POMZP3: variants seen among roughly 807,000 people sequenced by gnomAD.
The protein encoded by POMZP3 is POM121 and ZP3 fusion protein.
Under a neutral mutation model 19.8 loss-of-function variants are expected in POMZP3, and 10 were observed. The observed-to-expected ratio is 0.51, with a 90% CI of 0.31 to 0.86. POMZP3 has a LOEUF of 0.86. Ranked by LOEUF, POMZP3 falls within the 40% of genes least tolerant of loss-of-function variation. The pLI, the probability that POMZP3 is intolerant of heterozygous loss-of-function variation, is 0.04. For missense variants in POMZP3, 152 were observed against 228.1 expected (o/e 0.67, Z 2.15); for synonymous variants, 57 against 85.8 (o/e 0.66, Z 1.85).
chr7:76,621,847 G>A, intron 3 of POMZP3, among the ~76,000 whole-genome samples: 1 of 147,892 alleles, frequency 6.8e-6, no homozygotes, highest in African/African-American at 2.5e-5. Context: ...GGCTGAGGCA[G>A]GAGAATGGCG....
intron 6 of POMZP3, among the ~76,000 whole-genome samples, chr7:76,610,882 T>A (rs545320737): frequency 9.3e-4 from 31 of 33,406 alleles, no homozygotes; most frequent in South Asian, 2.4e-3. Flanking sequence ...TATTATTATT[T>A]TTTTTTTTTG....
chr7:76,622,374 GTTTTT>G (rs757086256), intron 3 of POMZP3, among the ~76,000 whole-genome samples: 4 of 62,808 alleles, frequency 6.4e-5, no homozygotes, highest in South Asian at 5.6e-4. Context: ...TCATTCTCAA[GTTTTT>G]TTTTTTTTTT....
rs1410824115 is a variant in POMZP3 at position 76,616,839 on chromosome 7, G to T, written c.345+1344C>A. Among the ~76,000 whole-genome samples the T allele has an allele frequency of 4.3e-5, 4 of 92,104 alleles. 2 individuals carry two copies. Among genetic ancestry groups the T allele is most frequent in the Admixed American group, 2.2e-4 (2 of 9,238 alleles). The allele number at this position is 92,104 out of a possible 152,430, so 60.4% of individuals were successfully genotyped here. On this transcript the variant is annotated intron_variant, in intron 4 of 6. Coordinates refer to ENST00000310842, the MANE Select transcript of POMZP3 (RefSeq NM_012230.5). ...CCATTGCATTCCAGCCTGGACTGCA[G>T]AGCGAGACTCCAACTCAAAAAATAA...
rs1308218358 is a variant in POMZP3 at position 76,617,047 on chromosome 7, C to T, written c.345+1136G>A. Among the ~76,000 whole-genome samples, 11 of 96,670 alleles carry T rather than the reference C, an allele frequency of 1.1e-4. 4 individuals are homozygous for T. Among genetic ancestry groups the T allele is most frequent in the Admixed American group, 2.0e-4 (2 of 10,040 alleles). 63.4% of individuals were successfully genotyped at this position (96,670 alleles called of 152,430 possible). On this transcript the variant is annotated intron_variant, in intron 4 of 6. Transcript: ENST00000310842. ...TGGTGGCGGGTACCTGTACTCCCAGCTACTTGGGAGACTGAGGCAGGAGAA... is the reference window on the plus strand; with the variant it reads ...TGGTGGCGGGTACCTGTACTCCCAGTTACTTGGGAGACTGAGGCAGGAGAA...
At chr7:76,614,564 CAAA>C (rs749162077) in intron 4 of POMZP3, among the ~76,000 whole-genome samples, 3 of 47,838 alleles carry the variant, frequency 6.3e-5, no homozygotes, top group African/African-American at 8.4e-5. Flanking sequence ...CCATTTCCCC[CAAA>C]AAAAAAAAAA....
At chr7:76,617,687 C>CTTT (rs3973005) in intron 4 of POMZP3, among the ~76,000 whole-genome samples, 5 of 83,264 alleles carry the variant, frequency 6.0e-5, no homozygotes, top group Admixed American at 2.2e-4. Flanking sequence ...TAACACCTGC[C>CTTT]TTTTTTTTTT....
Position 76,625,995 on chromosome 7 carries a change from C to G in POMZP3, c.65+5G>C. 6.2e-7 allele frequency: 1 copy of G among 1,613,720 alleles called. No homozygotes were observed. Among genetic ancestry groups the G allele is most frequent in the Non-Finnish European group, 8.5e-7 (1 of 1,179,722 alleles). On this transcript the variant is annotated splice_donor_5th_base_variant and intron_variant, in intron 2 of 6. Coordinates refer to ENST00000310842, the MANE Select transcript of POMZP3 (RefSeq NM_012230.5). ...GGAGAGTATTCTTCCAACGATAATA[C>G]TCACATCGCAGAACGCGAAAATCTT...
intron 3 of POMZP3, among the ~76,000 whole-genome samples, chr7:76,623,189 T>TG (rs1298896760): frequency 1.3e-5 from 2 of 151,802 alleles, no homozygotes; most frequent in Non-Finnish European, 2.9e-5. Flanking sequence ...ATTGTGGTTT[T>TG]TTTTTTTTAT....
rs59620004 is a variant in POMZP3 at position 76,614,858 on chromosome 7, C to CAAAAA, written c.346-3050_346-3046dup. Among the ~76,000 whole-genome samples the CAAAAA allele has an allele frequency of 2.5e-3, 80 of 31,970 alleles. No individual in the cohort carries two copies. In the East Asian group the frequency reaches 0.032, roughly 13 times the overall value. The allele number at this position is 31,970 out of a possible 152,430, so 21.0% of individuals were successfully genotyped here. A position where few individuals can be genotyped will look rare whatever the true frequency, so the allele number is the denominator to read the frequency against. On this transcript the variant is annotated intron_variant, in intron 4 of 6. Coordinates refer to ENST00000310842, the MANE Select transcript of POMZP3 (RefSeq NM_012230.5). Reference sequence around the variant, plus strand: ...CTGGGTGACAGAGCGAGACTCTGTCCAAAAAAAAAAAAAAAAAAAGTACAC... The same window carrying CAAAAA: ...CTGGGTGACAGAGCGAGACTCTGTCCAAAAAAAAAAAAAAAAAAAAAAAAGTACAC...
At chr7:76,625,226 C>G (rs1021082815) in intron 3 of POMZP3, among the ~76,000 whole-genome samples, 1 of 148,270 alleles carries the variant, frequency 6.7e-6, no homozygotes, top group Admixed American at 6.8e-5. Context: ...AGCCTTCTTT[C>G]TTGAAAATAA....
intron 6 of POMZP3, among the ~76,000 whole-genome samples, chr7:76,611,134 A>G (rs1638130): frequency 0.61 from 83,025 of 137,138 alleles, 26,426 homozygotes; most frequent in African/African-American, 0.76. Flanking sequence ...TTGGCCTCCC[A>G]AAGTGTTGGG....
At chr7:76,621,972 T>TAAAA (rs1563804265) in intron 3 of POMZP3, among the ~76,000 whole-genome samples, 2 of 118,392 alleles carry the variant, frequency 1.7e-5, no homozygotes. Context: ...AATAAATAAA[T>TAAAA]AAAACAGGTT....
At chr7:76,616,466 T>G (rs1438125520) in intron 4 of POMZP3, among the ~76,000 whole-genome samples, 1 of 101,128 alleles carries the variant, frequency 9.9e-6, no homozygotes, top group Non-Finnish European at 2.2e-5. Context: ...TCCAGATGAT[T>G]AGTATAGAGC....
chr7:76,618,516 G>A, intron 3 of POMZP3: 2 of 637,442 alleles, frequency 3.1e-6, no homozygotes, highest in South Asian at 3.8e-5. Context: ...ACCTACTCGG[G>A]AGGCTGAGGC....
At chr7:76,611,966 A>C (rs1354598324) in intron 4 of POMZP3, among the ~76,000 whole-genome samples, 153 bp from the exon 5 acceptor site, 1 of 151,430 alleles carries the variant, frequency 6.6e-6, no homozygotes, top group African/African-American at 2.5e-5. Flanking sequence ...TGGGAGGCCA[A>C]GGCGGGTATA....
At chr7:76,619,232 A>G (rs1328064074) in intron 3 of POMZP3, among the ~76,000 whole-genome samples, 1 of 152,156 alleles carries the variant, frequency 6.6e-6, no homozygotes, top group Non-Finnish European at 1.5e-5. Flanking sequence ...CACTAAAAAT[A>G]CAAAAATTAG....
intron 3 of POMZP3, among the ~76,000 whole-genome samples, chr7:76,624,144 A>AAGT (rs2116881161): frequency 2.8e-5 from 1 of 35,782 alleles, no homozygotes; most frequent in South Asian, 1.0e-3. Context: ...AATATAAAAA[A>AAGT]AGTATAGGAC....
At chr7:76,620,380 G>C (rs563795177) in intron 3 of POMZP3, among the ~76,000 whole-genome samples, 81 of 118,946 alleles carry the variant, frequency 6.8e-4, no homozygotes, top group African/African-American at 2.6e-3. Context: ...ATGGGGTAGA[G>C]GGTATTTGCA....
chr7:76,623,004 G>A (rs1815655695), intron 3 of POMZP3, among the ~76,000 whole-genome samples: 2 of 151,696 alleles, frequency 1.3e-5, no homozygotes, highest in Admixed American at 1.3e-4. Context: ...CTGGAGCTGG[G>A]AATACAGGCA....
Sources: allele counts gnomAD v4.1 joint callset (sites outside exome capture counted in the v4.1 genomes callset), GRCh38; gene constraint gnomAD v4.1.1; transcripts MANE v1.5; gene names NCBI Gene and HGNC (gene_info 2026-07-23, HGNC 2026-07-21).